The following NAALADL2 variants were observed in gnomAD, a reference collection of about 807,000 sequenced individuals.
NAALADL2 encodes inactive N-acetylated-alpha-linked acidic dipeptidase-like protein 2.
NAALADL2 carries 76 observed loss-of-function variants against 87.2 expected under a neutral mutation model. That is an observed-to-expected ratio of 0.87 (90% confidence interval 0.72 to 1.05). The LOEUF (loss-of-function observed/expected upper bound fraction) is 1.05, where lower values mean the gene tolerates loss of function less well. NAALADL2 is among the 50% of genes least tolerant of loss of function. The pLI, the probability that NAALADL2 is intolerant of heterozygous loss-of-function variation, is 0.00. For missense variants in NAALADL2, 1,089 were observed against 945.8 expected, an observed-to-expected ratio of 1.15 and a Z score of -1.99; for synonymous variants, 354 against 331.0, an observed-to-expected ratio of 1.07 and a Z score of -0.75.
At chr3:174,657,615 A>T (rs1725104106) in intron 2 of NAALADL2, among the ~76,000 whole-genome samples, 1 of 152,162 alleles carries the variant, frequency 6.6e-6, no homozygotes, top group African/African-American at 2.4e-5. Context: ...TGACAACTGT[A>T]TCAGCGTCTC....
At chr3:174,471,006 G>T (rs904989408) in intron 1 of NAALADL2, among the ~76,000 whole-genome samples, 1 of 151,870 alleles carries the variant, frequency 6.6e-6, no homozygotes, top group Non-Finnish European at 1.5e-5. Flanking sequence ...TTCTTATGAA[G>T]AATTCCTAGA....
At chr3:174,468,332 G>A (rs964344161) in intron 1 of NAALADL2, among the ~76,000 whole-genome samples, 3 of 151,356 alleles carry the variant, frequency 2.0e-5, no homozygotes, top group Middle Eastern at 3.4e-3. Context: ...AGTGTATTCC[G>A]TTGCTAAGTA....
At chr3:174,656,727 C>T (rs1386767493) in intron 2 of NAALADL2, among the ~76,000 whole-genome samples, 2 of 152,048 alleles carry the variant, frequency 1.3e-5, no homozygotes, top group African/African-American at 4.8e-5. Context: ...ATTTGATTTT[C>T]TCTCCTCTGA....
chr3:174,524,689 A>G (rs1578083130), intron 1 of NAALADL2, among the ~76,000 whole-genome samples: 2 of 149,948 alleles, frequency 1.3e-5, no homozygotes, highest in African/African-American at 4.9e-5. Flanking sequence ...CTGGGACCAC[A>G]GGTACCTGCC....
chr3:174,856,499 C>T (rs911993772), upstream of NAALADL2, among the ~76,000 whole-genome samples: 8 of 151,980 alleles, frequency 5.3e-5, no homozygotes, highest in South Asian at 4.1e-4. Context: ...GTGAATCATC[C>T]GTATGTCCAG....
rs1750095055 is a variant in NAALADL2, at chr3:175,013,063, A to ATATATAAATATGTAATATATATT, written c.44-83721_44-83720insAATATGTAATATATATTTATATA. On this transcript the variant is annotated intron_variant, in intron 1 of 13. Coordinates refer to ENST00000454872, the MANE Select transcript of NAALADL2 (RefSeq NM_207015.3). Reference sequence around the variant, plus strand: ...ATAATATATACATAAATATATACACATATATATAAATATGTAATACATATT... The same window carrying ATATATAAATATGTAATATATATT: ...ATAATATATACATAAATATATACACATATATAAATATGTAATATATATTTATATATAAATATGTAATACATATT... 3.9e-4 allele frequency among the ~76,000 whole-genome samples: 14 copies of ATATATAAATATGTAATATATATT among 35,842 alleles called. 2 individuals are homozygous for ATATATAAATATGTAATATATATT. The highest frequency in any genetic ancestry group is 1.5e-3 in the African/African-American group (13 of 8,846). 23.5% of individuals were successfully genotyped at this position (35,842 alleles called of 152,430 possible). A position where few individuals can be genotyped will look rare whatever the true frequency, so the allele number is the denominator to read the frequency against.
chr3:175,275,250 C>T (rs9865213), intron 4 of NAALADL2, among the ~76,000 whole-genome samples: 139,890 of 152,160 alleles, frequency 0.92, 64,500 homozygotes, highest in African/African-American at 0.98. Context: ...AAAGTAAACC[C>T]AGACAATTTC....
At chr3:174,442,006 G>A (rs1171060160) in intron 1 of NAALADL2, among the ~76,000 whole-genome samples, 2 of 151,648 alleles carry the variant, frequency 1.3e-5, no homozygotes, top group Non-Finnish European at 2.9e-5. Flanking sequence ...TTAAGATAAT[G>A]GTGTTGCTTC....
intron 3 of NAALADL2, among the ~76,000 whole-genome samples, chr3:174,850,907 A>G (rs917688839): frequency 1.3e-5 from 2 of 152,178 alleles, no homozygotes; most frequent in African/African-American, 4.8e-5. Flanking sequence ...AATTATATCA[A>G]GTATCTTTTC....
intron 11 of NAALADL2, among the ~76,000 whole-genome samples, chr3:175,659,855 T>C (rs772495599): frequency 1.4e-4 from 21 of 152,324 alleles, no homozygotes; most frequent in South Asian, 4.1e-4. Flanking sequence ...TTAGTCAGCA[T>C]GCTTCCAAGG....
At chr3:175,247,008 G>C (rs1243568712) in intron 3 of NAALADL2, among the ~76,000 whole-genome samples, 1 of 152,142 alleles carries the variant, frequency 6.6e-6, no homozygotes, top group Non-Finnish European at 1.5e-5. Context: ...TCCCTACGTA[G>C]TAATTACATA....
chr3:175,589,025 C>T lies in NAALADL2; in HGVS notation c.1800+12838C>T, dbSNP rs75439952. Among the ~76,000 whole-genome samples the T allele has an allele frequency of 2.5e-3, 382 of 152,064 alleles. 1 individual carries two copies. Among genetic ancestry groups the T allele is most frequent in the African/African-American group, 8.8e-3 (363 of 41,476 alleles). On this transcript the variant is annotated intron_variant, in intron 10 of 13. Transcript: ENST00000454872. ...TGTATACATACCAAAATATTTTAGG[C>T]AAAGAAACATATTTAGATATTTTTT...
chr3:175,069,476 C>A (rs2109135760), intron 1 of NAALADL2, among the ~76,000 whole-genome samples: 1 of 149,744 alleles, frequency 6.7e-6, no homozygotes, highest in South Asian at 2.1e-4. Context: ...CATCTCACAC[C>A]AGTTAGAATG....
intron 9 of NAALADL2, among the ~76,000 whole-genome samples, chr3:175,530,833 G>A (rs4622907): frequency 0.23 from 35,172 of 152,144 alleles, 5,637 homozygotes; most frequent in African/African-American, 0.46. Flanking sequence ...TGGGTCAGAA[G>A]GCACCCAGTT....
At chr3:174,883,755 G>A (rs1729719883) in intron 1 of NAALADL2, among the ~76,000 whole-genome samples, 1 of 152,138 alleles carries the variant, frequency 6.6e-6, no homozygotes, top group Non-Finnish European at 1.5e-5. Flanking sequence ...CACCTCAGCA[G>A]GTTGTGGTTT....
chr3:175,142,263 A>G (rs1730109521), intron 2 of NAALADL2, among the ~76,000 whole-genome samples: 1 of 152,044 alleles, frequency 6.6e-6, no homozygotes, highest in South Asian at 2.1e-4. Flanking sequence ...AACAAATGCC[A>G]TTGTTAAATT....
At position 174,933,632 on chromosome 3, in the gene NAALADL2, G is replaced by T. The variant is rs560470880; in HGVS notation, c.43+74182G>T. ...AATAAATAACCAATAAAATAGTTCA[G>T]TTAAAATTCTAAGCCTATTGTGTTG... On this transcript the variant is annotated intron_variant, in intron 1 of 13. Coordinates refer to ENST00000454872, the MANE Select transcript of NAALADL2 (RefSeq NM_207015.3). 2.0e-5 allele frequency among the ~76,000 whole-genome samples: 3 copies of T among 152,264 alleles called. No homozygotes were observed. The South Asian group carries it at 6.2e-4, about 32-fold the overall frequency.
chr3:175,241,855 A>ATTTTTTTTTTTTTTTTTTTTTT (rs779567135), intron 3 of NAALADL2, among the ~76,000 whole-genome samples: 4 of 83,812 alleles, frequency 4.8e-5, no homozygotes, highest in Admixed American at 1.8e-4. Context: ...TGGATGCTGA[A>ATTTTTTTTTTTTTTTTTTTTTT]TTTTTTTTTT....
At position 175,244,059 on chromosome 3, in the gene NAALADL2, G is replaced by A. The variant is rs531517398; in HGVS notation, c.819+9855G>A. ...AACACAGCAACGATGTCTCTCCATT[G>A]CCCTCTACCCATACCATAGGAGAGA... On this transcript the variant is annotated intron_variant, in intron 3 of 13. Coordinates refer to ENST00000454872, the MANE Select transcript of NAALADL2 (RefSeq NM_207015.3). Among the ~76,000 whole-genome samples the A allele has an allele frequency of 7.6e-4, 116 of 152,148 alleles. 1 individual carries two copies. Among genetic ancestry groups the A allele is most frequent in the Middle Eastern group, 6.8e-3 (2 of 294 alleles).
Sources: gnomAD v4.1 joint callset for allele counts (sites outside exome capture counted in the v4.1 genomes callset) on GRCh38, gnomAD v4.1.1 for gene constraint, MANE v1.5 for transcripts, NCBI Gene and HGNC (gene_info 2026-07-23, HGNC 2026-07-21) for gene names.